The following PLEKHA3 variants were observed in gnomAD, a reference collection of about 807,000 sequenced individuals.
The protein encoded by PLEKHA3 is pleckstrin homology domain-containing family A member 3.
In PLEKHA3, 19 loss-of-function variants were observed where a neutral mutation model predicts 39.2. That is an observed-to-expected ratio of 0.48 (90% CI 0.34 to 0.71). PLEKHA3 has a LOEUF of 0.71. Among genes scored for constraint, PLEKHA3 ranks in the 30% least tolerant of loss-of-function variants. The pLI, the probability that PLEKHA3 is intolerant of heterozygous loss-of-function variation, is 0.01. For synonymous variants in PLEKHA3, 97 were observed against 118.6 expected (o/e 0.82, Z 1.18); for missense variants, 253 against 359.5 (o/e 0.70, Z 2.40).
rs1421675493 is a variant in PLEKHA3, at chr2:178,512,555, G to A, written c.*8668G>A. Reference sequence around the variant, plus strand: ...TATATTGCCAGATCTGGCAGCATGGGGACAATTAGGAACAAAGGAGAGAGA... The same window carrying A: ...TATATTGCCAGATCTGGCAGCATGGAGACAATTAGGAACAAAGGAGAGAGA... On this transcript the variant is annotated 3_prime_UTR_variant, in exon 8 of 8. Transcript: ENST00000234453. 1 of 152,580 alleles carries A rather than the reference G, an allele frequency of 6.6e-6. No homozygotes were observed. Among genetic ancestry groups the A allele is most frequent in the African/African-American group, 2.4e-5 (1 of 41,390 alleles). The allele number at this position is 152,580 out of a possible 1,614,324, so 9.5% of individuals were successfully genotyped here.
intron 6 of PLEKHA3, 95 bp downstream of exon 6, chr2:178,499,349 CTGTA>C (rs1575146267): frequency 8.0e-7 from 1 of 1,246,694 alleles, no homozygotes; most frequent in Non-Finnish European, 1.1e-6. Context: ...AATGTAAACT[CTGTA>C]TGGGTTAGGT....
chr2:178,491,200 G>A (rs1315186314), intron 3 of PLEKHA3, among the ~76,000 whole-genome samples: 4 of 151,826 alleles, frequency 2.6e-5, no homozygotes, highest in African/African-American at 4.8e-5. Context: ...TAGTAGAGAC[G>A]GGGTTTCACC....
At chr2:178,481,023 T>C (rs1339421804) in intron 1 of PLEKHA3, 114 bp downstream of exon 1, 1 of 979,916 alleles carries the variant, frequency 1.0e-6, no homozygotes, top group Non-Finnish European at 1.4e-6. Flanking sequence ...GCGAATTCGC[T>C]CTACTCGATT....
chr2:178,504,112 TC>T lies in PLEKHA3; in HGVS notation c.*226del, dbSNP rs762949843. On this transcript the variant is annotated 3_prime_UTR_variant, in exon 8 of 8. Coordinates refer to ENST00000234453, the MANE Select transcript of PLEKHA3 (RefSeq NM_019091.4). The stretch of plus-strand genomic sequence containing the variant: ...AATAACTTCACAGTATGAATGTGCA[TC>T]TTTTTTTTTTGAACAAATGATGGTG... 25 of 351,804 alleles carry T rather than the reference TC, an allele frequency of 7.1e-5. No individual in the cohort carries two copies. The highest frequency in any genetic ancestry group is 6.0e-4 in the East Asian group (13 of 21,660). 21.8% of individuals were successfully genotyped at this position (351,804 alleles called of 1,614,324 possible).
In PLEKHA3 at chr2:178,480,814, C is replaced by G; in HGVS notation, c.-56C>G. The G allele has an allele frequency of 7.7e-7, 1 of 1,306,244 alleles. No individual in the cohort carries two copies. The highest frequency in any genetic ancestry group is 9.8e-7 in the Non-Finnish European group (1 of 1,015,772). 80.9% of individuals were successfully genotyped at this position (1,306,244 alleles called of 1,614,324 possible). ...GGGCTGCCCCAGGCCCTGCGCCTAC[C>G]CCATCACCGCGGCCGGCGCCGGGCC... On this transcript the variant is annotated 5_prime_UTR_variant, in exon 1 of 8. Coordinates refer to ENST00000234453, the MANE Select transcript of PLEKHA3 (RefSeq NM_019091.4).
At position 178,515,040 on chromosome 2, in the gene PLEKHA3, CTCTTTTTTTTTT is replaced by C. The variant is rs1202717111; in HGVS notation, c.*11155_*11166del. The stretch of plus-strand genomic sequence containing the variant: ...AATTTTTGGTCTTATAACATTCTCT[CTCTTTTTTTTTT>C]TTTTTTTTTGTAGCATATGGCTTCC... On this transcript the variant is annotated 3_prime_UTR_variant, in exon 8 of 8. Coordinates refer to ENST00000234453, the MANE Select transcript of PLEKHA3 (RefSeq NM_019091.4). 7.2e-6 allele frequency: 1 copy of C among 138,726 alleles called. No individual in the cohort carries two copies. Among genetic ancestry groups the C allele is most frequent in the African/African-American group, 2.9e-5 (1 of 34,928 alleles). 8.6% of individuals were successfully genotyped at this position (138,726 alleles called of 1,614,324 possible).
chr2:178,499,080 A>ATTT (rs3214536), intron 5 of PLEKHA3, 131 bp from the exon 6 acceptor site: 6 of 670,196 alleles, frequency 9.0e-6, no homozygotes, highest in South Asian at 3.0e-5. Flanking sequence ...GAAAGATTAA[A>ATTT]TTTTTTTTTG....
chr2:178,491,471 A>C lies in PLEKHA3; in HGVS notation c.313+657A>C, dbSNP rs190501411. On this transcript the variant is annotated intron_variant, in intron 3 of 7. Transcript: ENST00000234453. ...GGCTGGCTTAGGAAAGGTATGTAAG[A>C]ATTGGTCAGATTGTTACCTTTGGAA... 2.0e-5 allele frequency among the ~76,000 whole-genome samples: 3 copies of C among 152,336 alleles called. No homozygotes were observed. The East Asian group carries it at 5.8e-4, about 29-fold the overall frequency.
intron 2 of PLEKHA3, among the ~76,000 whole-genome samples, chr2:178,486,359 A>G (rs112602964): frequency 3.3e-5 from 5 of 152,310 alleles, no homozygotes; most frequent in African/African-American, 1.2e-4. Flanking sequence ...GAAATCAGAT[A>G]AAATGGCAGT....
At chr2:178,500,986 C>T in intron 6 of PLEKHA3, 75 bp from the exon 7 acceptor site, 1 of 872,866 alleles carries the variant, frequency 1.1e-6, no homozygotes, top group East Asian at 2.4e-5. Flanking sequence ...AAAGAGAAGT[C>T]ATTTAAAATT....
rs978524067 is a variant in PLEKHA3 at position 178,511,241 on chromosome 2, G to A, written c.*7354G>A. 3.3e-5 allele frequency: 5 copies of A among 152,130 alleles called. No homozygotes were observed. The highest frequency in any genetic ancestry group is 6.6e-5 in the Admixed American group (1 of 15,266). The allele number at this position is 152,130 out of a possible 1,614,324, so 9.4% of individuals were successfully genotyped here. A position where few individuals can be genotyped will look rare whatever the true frequency, so the allele number is the denominator to read the frequency against. ...AAATGGCTGTAAATAAAGTAAAAGT[G>A]GCTAAAGAAAACAGTGCCTGCTATT... On this transcript the variant is annotated 3_prime_UTR_variant, in exon 8 of 8. Transcript: ENST00000234453.
Position 178,499,347 on chromosome 2 carries a change from C to T in PLEKHA3, c.659+93C>T, listed in dbSNP as rs959936907. On this transcript the variant is annotated intron_variant, in intron 6 of 7. Coordinates refer to ENST00000234453, the MANE Select transcript of PLEKHA3 (RefSeq NM_019091.4). ...TTTAACAAGTGGTGTGGAATGTAAACTCTGTATGGGTTAGGTCTGGTTCAA... is the reference window on the plus strand; with the variant it reads ...TTTAACAAGTGGTGTGGAATGTAAATTCTGTATGGGTTAGGTCTGGTTCAA... 6 of 1,270,528 alleles carry T rather than the reference C, an allele frequency of 4.7e-6. No individual in the cohort carries two copies. The African/African-American group carries it at 9.0e-5, about 19-fold the overall frequency. 78.7% of individuals were successfully genotyped at this position (1,270,528 alleles called of 1,614,324 possible).
Position 178,513,901 on chromosome 2 carries a change from T to C in PLEKHA3, c.*10014T>C, listed in dbSNP as rs1333963164. 6.6e-6 allele frequency: 1 copy of C among 152,176 alleles called. No homozygotes were observed. The highest frequency in any genetic ancestry group is 1.5e-5 in the Non-Finnish European group (1 of 68,032). 9.4% of individuals were successfully genotyped at this position (152,176 alleles called of 1,614,324 possible). A position where few individuals can be genotyped will look rare whatever the true frequency, so the allele number is the denominator to read the frequency against. The stretch of plus-strand genomic sequence containing the variant: ...TAAATGAGCATAAAATGAATATCTT[T>C]TCAGTATTAGAACATTTCTGTTTAT... On this transcript the variant is annotated 3_prime_UTR_variant, in exon 8 of 8. Coordinates refer to ENST00000234453, the MANE Select transcript of PLEKHA3 (RefSeq NM_019091.4).
At chr2:178,483,628 AGACCT>A (rs1685206508) in intron 1 of PLEKHA3, among the ~76,000 whole-genome samples, 3 of 152,250 alleles carry the variant, frequency 2.0e-5, no homozygotes, top group Admixed American at 2.0e-4. Flanking sequence ...TAGGCACACT[AGACCT>A]GGGTGGAGGA....
chr2:178,494,564 T>C (rs966080739), intron 4 of PLEKHA3, among the ~76,000 whole-genome samples: 1 of 152,252 alleles, frequency 6.6e-6, no homozygotes, highest in African/African-American at 2.4e-5. Context: ...GGGCAAGAAA[T>C]CTTCCTATTT....
chr2:178,503,831 C>A lies in PLEKHA3; in HGVS notation c.847C>A (p.Leu283Ile). 6.2e-7 allele frequency: 1 copy of A among 1,612,000 alleles called. No individual in the cohort carries two copies. The highest frequency in any genetic ancestry group is 8.5e-7 in the Non-Finnish European group (1 of 1,178,378). Residue 283 changes from leucine (L) to isoleucine (I), a missense_variant, in exon 8 of 8, where the codon CTT (leucine) becomes ATT (isoleucine). Physicochemically the swap from Leu to Ile is conservative, Grantham distance 5. Transcript: ENST00000234453. ...AGCAACCATTCCTGAAGAAAGCAGA[C>A]TTATGGCCAAAAAACAATCTGAATC... ...ASATIPEESR[L>I]MAKKQSESED...
At chr2:178,490,057 A>G (rs77852792) in intron 2 of PLEKHA3, among the ~76,000 whole-genome samples, 3,151 of 152,324 alleles carry the variant, frequency 0.021, 55 homozygotes, top group East Asian at 0.04. Flanking sequence ...TTGGCTCATC[A>G]TAATTCCTGA....
chr2:178,512,342 G>T lies in PLEKHA3; in HGVS notation c.*8455G>T, dbSNP rs1411586467. On this transcript the variant is annotated 3_prime_UTR_variant, in exon 8 of 8. Transcript: ENST00000234453. ...ATTAATGCATTAAGCAATTTTTTTTGACATAAATGAAGGGTTGTTTCCATG... is the reference window on the plus strand; with the variant it reads ...ATTAATGCATTAAGCAATTTTTTTTTACATAAATGAAGGGTTGTTTCCATG... 1.3e-5 allele frequency: 2 copies of T among 151,960 alleles called. No homozygotes were observed. Among genetic ancestry groups the T allele is most frequent in the South Asian group, 2.1e-4 (1 of 4,828 alleles). The allele number at this position is 151,960 out of a possible 1,614,324, so 9.4% of individuals were successfully genotyped here. A position where few individuals can be genotyped will look rare whatever the true frequency, so the allele number is the denominator to read the frequency against.
At chr2:178,484,135 A>T (rs1685213132) in intron 1 of PLEKHA3, among the ~76,000 whole-genome samples, 2 of 152,206 alleles carry the variant, frequency 1.3e-5, no homozygotes, top group Admixed American at 1.3e-4. Flanking sequence ...TGGGGTATTC[A>T]TTCATTCATT....
Sources: gnomAD v4.1 joint callset for allele counts (sites outside exome capture counted in the v4.1 genomes callset) on GRCh38, gnomAD v4.1.1 for gene constraint, MANE v1.5 for transcripts, NCBI Gene and HGNC (gene_info 2026-07-23, HGNC 2026-07-21) for gene names.